Variants in GMDS observed in about 807,000 individuals in gnomAD.
The protein encoded by GMDS is GDP-mannose 4,6-dehydratase, also known as GDP-mannose 4,6 dehydratase.
In GMDS, 20 loss-of-function variants were observed where a neutral mutation model predicts 49.9. That is an observed-to-expected ratio of 0.40 (90% CI 0.28 to 0.58). The LOEUF is 0.58. Ranked by LOEUF, GMDS falls within the 20% of genes least tolerant of loss-of-function variation. GMDS has a pLI of 0.42. For missense variants in GMDS, 362 were observed against 481.4 expected (o/e 0.75, Z 2.32); for synonymous variants, 177 against 178.6 (o/e 0.99, Z 0.07).
chr6:2,071,981 C>G (rs945623621), intron 4 of GMDS, among the ~76,000 whole-genome samples: 5 of 152,142 alleles, frequency 3.3e-5, no homozygotes, highest in Non-Finnish European at 5.9e-5. Context: ...GATGAAAAAG[C>G]CTTCTTTGCA....
intron 1 of GMDS, among the ~76,000 whole-genome samples, chr6:2,221,398 T>C (rs947552666): frequency 6.6e-6 from 1 of 151,678 alleles, no homozygotes; most frequent in Non-Finnish European, 1.5e-5. Context: ...TTTTTTTTTT[T>C]GAGACGGAGT....
At chr6:2,007,275 A>C (rs1226438765) in intron 4 of GMDS, among the ~76,000 whole-genome samples, 1 of 152,124 alleles carries the variant, frequency 6.6e-6, no homozygotes, top group Non-Finnish European at 1.5e-5. Flanking sequence ...TACTGAATGA[A>C]CTAACAGGAC....
intron 9 of GMDS, among the ~76,000 whole-genome samples, chr6:1,684,922 C>T (rs1237902910): frequency 1.3e-5 from 2 of 152,104 alleles, no homozygotes; most frequent in African/African-American, 4.8e-5. Context: ...GAATTATCAA[C>T]CTGTGCCTGC....
rs117912012 is a variant in GMDS, at chr6:1,678,380, C to T, written c.987+48036G>A. Among the ~76,000 whole-genome samples, 9 of 152,316 alleles carry T rather than the reference C, an allele frequency of 5.9e-5. No individual in the cohort carries two copies. In the East Asian group the frequency reaches 1.7e-3, roughly 29 times the overall value. On this transcript the variant is annotated intron_variant, in intron 9 of 10. Transcript: ENST00000380815. ...CTCCAGTGGCAGCTGCTGCTCCTGG[C>T]AAGCTCTGATTCTTTGTATCCATCG...
At chr6:2,046,352 TAACTA>T (rs1213316753) in intron 4 of GMDS, among the ~76,000 whole-genome samples, 1 of 152,208 alleles carries the variant, frequency 6.6e-6, no homozygotes, top group East Asian at 1.9e-4. Flanking sequence ...TCATATGAAA[TAACTA>T]GATTATCATA....
chr6:2,097,583 C>T (rs1581645811), intron 4 of GMDS, among the ~76,000 whole-genome samples: 1 of 152,134 alleles, frequency 6.6e-6, no homozygotes, highest in South Asian at 2.1e-4. Context: ...TTGACAAATG[C>T]CTGAAATCTT....
intron 1 of GMDS, among the ~76,000 whole-genome samples, chr6:2,162,659 AACAC>A (rs67198377): frequency 0.18 from 24,392 of 135,496 alleles, 2,291 homozygotes; most frequent in Middle Eastern, 0.27. Context: ...ATAACATTCC[AACAC>A]ACACACACAC....
chr6:2,081,320 G>A (rs1175286127), intron 4 of GMDS, among the ~76,000 whole-genome samples: 1 of 152,148 alleles, frequency 6.6e-6, no homozygotes, highest in Non-Finnish European at 1.5e-5. Context: ...CAGTCCCAGA[G>A]GGCTGCTCTA....
chr6:1,803,033 C>T (rs1299590480), intron 7 of GMDS, among the ~76,000 whole-genome samples: 1 of 152,124 alleles, frequency 6.6e-6, no homozygotes, highest in African/African-American at 2.4e-5. Context: ...ATTTTTGAGC[C>T]TAAACAAAAG....
chr6:1,801,254 T>C (rs1031551861), intron 7 of GMDS, among the ~76,000 whole-genome samples: 2 of 152,206 alleles, frequency 1.3e-5, no homozygotes, highest in African/African-American at 2.4e-5. Flanking sequence ...AGTAGACATT[T>C]CCAGTTTGTT....
intron 4 of GMDS, among the ~76,000 whole-genome samples, chr6:2,109,731 G>C (rs963575199): frequency 6.6e-6 from 1 of 152,182 alleles, no homozygotes; most frequent in African/African-American, 2.4e-5. Context: ...CATGGCAGTC[G>C]TCTGTTCCAG....
intron 9 of GMDS, among the ~76,000 whole-genome samples, chr6:1,632,429 A>G (rs1028156913): frequency 6.6e-6 from 1 of 152,216 alleles, no homozygotes; most frequent in African/African-American, 2.4e-5. Flanking sequence ...GGGGAGGAGT[A>G]CTGACTGGGA....
chr6:1,788,766 T>C (rs1394173107), intron 7 of GMDS, among the ~76,000 whole-genome samples: 1 of 152,226 alleles, frequency 6.6e-6, no homozygotes, highest in African/African-American at 2.4e-5. Context: ...TCAAAAGCCA[T>C]TTGTTGGATT....
intron 4 of GMDS, among the ~76,000 whole-genome samples, chr6:2,026,672 T>C (rs1011917781): frequency 4.6e-5 from 7 of 152,224 alleles, no homozygotes; most frequent in Middle Eastern, 3.2e-3. Flanking sequence ...CAAAACTTCC[T>C]GGGAATTCCT....
intron 4 of GMDS, among the ~76,000 whole-genome samples, chr6:2,023,173 A>G (rs1768378726): frequency 6.6e-6 from 1 of 152,228 alleles, no homozygotes; most frequent in African/African-American, 2.4e-5. Context: ...TCAAATTCAC[A>G]TGTAAATGAC....
intron 1 of GMDS, among the ~76,000 whole-genome samples, chr6:2,136,906 CAAAAAAA>C (rs3049649): frequency 5.5e-5 from 7 of 127,964 alleles, no homozygotes; most frequent in South Asian, 2.5e-4. Context: ...TCATTTCAAA[CAAAAAAA>C]AAAAAAAAAA....
chr6:1,740,097 A>G (rs1184307433), intron 8 of GMDS, among the ~76,000 whole-genome samples: 1 of 152,236 alleles, frequency 6.6e-6, no homozygotes, highest in Non-Finnish European at 1.5e-5. Flanking sequence ...TTTTTAAAGA[A>G]TAAGATGTTA....
chr6:1,686,007 T>C (rs1489441687), intron 9 of GMDS, among the ~76,000 whole-genome samples: 2 of 152,124 alleles, frequency 1.3e-5, no homozygotes, highest in Non-Finnish European at 1.5e-5. Flanking sequence ...GCACAGGCCG[T>C]GGAGTCATTT....
rs1213573451 is a variant in GMDS at position 1,766,714 on chromosome 6, C to A, written c.772-24128G>T. Among the ~76,000 whole-genome samples the A allele has an allele frequency of 6.6e-6, 1 of 152,166 alleles. No individual in the cohort carries two copies. On this transcript the variant is annotated intron_variant, in intron 7 of 10. Transcript: ENST00000380815. This position sits in a 1 kb window ranked among gnomAD's most constrained non-coding sequence, Gnocchi z 4.5. ...ACGGTTCCCACCTGGGGATGTTGAACCAGTCTCACCAGATCTGCTTACACG... is the reference window on the plus strand; with the variant it reads ...ACGGTTCCCACCTGGGGATGTTGAAACAGTCTCACCAGATCTGCTTACACG...
Sources: gnomAD v4.1 joint callset for allele counts (sites outside exome capture counted in the v4.1 genomes callset) on GRCh38, gnomAD v4.1.1 for gene constraint, Gnocchi (gnomAD v3.1) non-coding constraint, MANE v1.5 for transcripts, NCBI Gene and HGNC (gene_info 2026-07-23, HGNC 2026-07-21) for gene names.